Variants in OTOF observed in about 807,000 individuals in gnomAD.
OTOF encodes the protein fer-1-like family member 2.
A neutral mutation model predicts 236.8 loss-of-function variants in OTOF; 218 were observed. The ratio of observed to expected loss-of-function variants is 0.92; its 90% CI spans 0.82 to 1.03. The LOEUF is 1.03. Ranked by LOEUF, OTOF falls within the 50% of genes least tolerant of loss-of-function variation. OTOF has a pLI of 0.00. For synonymous variants in OTOF, 1,041 were observed against 1,072.5 expected (o/e 0.97, Z 0.57); for missense variants, 2,590 against 2,694.4 (o/e 0.96, Z 0.86).
Position 26,465,976 on chromosome 2 carries a change from G to A in OTOF, c.4601C>T (p.Ser1534Phe). The change falls in exon 37 of 47, where the codon TCC becomes TTC. Residue 1534 changes from serine (S) to phenylalanine (F), a missense_variant. Ser to Phe is a radical substitution (Grantham distance 155). Transcript: ENST00000272371. ...CCCAAAGACAGGGTTGAGCTGCTTG[G>A]AGATGTAGTTCTCCTTGTCGCGGAT... ...TDIRDKENYI[S>F]KQLNPVFGKS... The A allele has an allele frequency of 6.2e-7, 1 of 1,614,262 alleles. No homozygotes were observed. The highest frequency in any genetic ancestry group is 8.5e-7 in the Non-Finnish European group (1 of 1,180,044).
rs71915319 is a variant in OTOF, at chr2:26,489,145, GGCCCCGTGCACCAC to G, written c.1045+52_1045+65del. The G allele has an allele frequency of 6.2e-3, 7,129 of 1,158,584 alleles. 286 individuals are homozygous for G. The African/African-American group carries it at 0.092, about 15-fold the overall frequency. 71.8% of individuals were successfully genotyped at this position (1,158,584 alleles called of 1,614,324 possible). On this transcript the variant is annotated intron_variant, in intron 11 of 46. Coordinates refer to ENST00000272371, the MANE Select transcript of OTOF (RefSeq NM_194248.3). ...TCCCAGGAACTGCCACAGTGGGAAG[GGCCCCGTGCACCAC>G]GCTCCCTGAGCCATGCACACCTCGA...
At chr2:26,552,348 C>T (rs1667482705) in intron 1 of OTOF, among the ~76,000 whole-genome samples, 1 of 152,250 alleles carries the variant, frequency 6.6e-6, no homozygotes, top group East Asian at 1.9e-4. Flanking sequence ...TATGATTGTG[C>T]CACTGCACTC....
At chr2:26,463,658 C>T in intron 40 of OTOF, 87 bp from the exon 41 acceptor site, 1 of 1,123,004 alleles carries the variant, frequency 8.9e-7, no homozygotes, top group Non-Finnish European at 1.3e-6. Flanking sequence ...AACCTTTGTT[C>T]TGTCAAGGAC....
At chr2:26,532,876 G>A (rs1344742591) in intron 2 of OTOF, among the ~76,000 whole-genome samples, 1 of 152,140 alleles carries the variant, frequency 6.6e-6, no homozygotes, top group Non-Finnish European at 1.5e-5. Context: ...CCGCTGAGTG[G>A]GCCTGGAACC....
chr2:26,529,838 C>G (rs1666899182), intron 2 of OTOF, among the ~76,000 whole-genome samples: 1 of 110,862 alleles, frequency 9.0e-6, no homozygotes, highest in African/African-American at 2.7e-5. Flanking sequence ...CTAGGGAGGG[C>G]TTCAGAGGCG....
chr2:26,509,106 G>A (rs556400318), intron 5 of OTOF, among the ~76,000 whole-genome samples: 1 of 152,172 alleles, frequency 6.6e-6, no homozygotes, highest in African/African-American at 2.4e-5. Flanking sequence ...GTCCCTGTGG[G>A]TCTGGCCTGG....
In OTOF at chr2:26,489,703, A is replaced by G. The variant is rs1339944043; in HGVS notation, c.935T>C (p.Met312Thr). 1.2e-6 allele frequency: 2 copies of G among 1,613,066 alleles called. No individual in the cohort carries two copies. The highest frequency in any genetic ancestry group is 2.2e-5 in the South Asian group (2 of 91,084). The change falls in exon 10 of 47, where the codon ATG becomes ACG. Residue 312 changes from methionine (M) to threonine (T), a missense_variant. Met to Thr is a moderately conservative substitution (Grantham distance 81). Around this residue, in one of 2 missense-constraint regions of OTOF, gnomAD observed 1,379 missense variants for 1,341.6 expected, o/e 1.03. Coordinates refer to ENST00000272371, the MANE Select transcript of OTOF (RefSeq NM_194248.3). The part of the protein sequence containing the change: ...VFDFHVSPDV[M>T]FDKIIKISVI... ...CGAAATCTTGATGATCTTGTCAAACATGACATCCGGAGAGACATGGAAGTC... is the reference window on the plus strand; with the variant it reads ...CGAAATCTTGATGATCTTGTCAAACGTGACATCCGGAGAGACATGGAAGTC...
Position 26,477,864 on chromosome 2 carries a change from G to A in OTOF, c.2215-115C>T, listed in dbSNP as rs1358173944. The A allele has an allele frequency of 7.1e-6, 11 of 1,554,906 alleles. No individual in the cohort carries two copies. The highest frequency in any genetic ancestry group is 4.1e-5 in the African/African-American group (3 of 73,228). On this transcript the variant is annotated intron_variant, in intron 18 of 46. Coordinates refer to ENST00000272371, the MANE Select transcript of OTOF (RefSeq NM_194248.3). The surrounding 1 kb of genome is among the most constrained non-coding windows in gnomAD (Gnocchi z 4.7). Reference sequence around the variant, plus strand: ...GGGACCTCATGATCTGGGAGCTCTCGCTAGGGCCATCCTGAGTATCGGTCA... The same window carrying A: ...GGGACCTCATGATCTGGGAGCTCTCACTAGGGCCATCCTGAGTATCGGTCA...
At chr2:26,525,173 G>A (rs1236466661) in intron 3 of OTOF, among the ~76,000 whole-genome samples, 1 of 152,224 alleles carries the variant, frequency 6.6e-6, no homozygotes, top group African/African-American at 2.4e-5. Flanking sequence ...TGCCATGAGA[G>A]GCAAAGGGAA....
intron 5 of OTOF, among the ~76,000 whole-genome samples, chr2:26,514,122 C>G (rs544161483): frequency 7.0e-4 from 106 of 152,274 alleles, no homozygotes; most frequent in Non-Finnish European, 1.3e-3. Context: ...CTGCTGGCTG[C>G]ATGGCTAGGC....
At chr2:26,467,032 T>TG (rs1429632488) in intron 35 of OTOF, 67 bp downstream of exon 35, 1 of 1,329,748 alleles carries the variant, frequency 7.5e-7, no homozygotes, top group African/African-American at 1.9e-5. Context: ...GGGAGGTGAG[T>TG]GGGGGAACCT....
rs761780881 is a variant in OTOF at position 26,464,111 on chromosome 2, G to A, written c.4961-5C>T. On this transcript the variant is annotated splice_polypyrimidine_tract_variant and splice_region_variant and intron_variant, in intron 39 of 46. Coordinates refer to ENST00000272371, the MANE Select transcript of OTOF (RefSeq NM_194248.3). ...CGTCTGTGGGCTTCCTCTGACCTGTGGGTGCCGGCGGCTCAGCTGCACACA... is the reference window on the plus strand; with the variant it reads ...CGTCTGTGGGCTTCCTCTGACCTGTAGGTGCCGGCGGCTCAGCTGCACACA... The A allele has an allele frequency of 1.2e-6, 2 of 1,613,274 alleles. No individual in the cohort carries two copies. Among genetic ancestry groups the A allele is most frequent in the African/African-American group, 2.7e-5 (2 of 75,040 alleles).
chr2:26,531,411 T>C (rs1666945526), intron 2 of OTOF, among the ~76,000 whole-genome samples: 1 of 152,128 alleles, frequency 6.6e-6, no homozygotes, highest in Non-Finnish European at 1.5e-5. Context: ...AATATCTACC[T>C]TAGAGGGCTA....
chr2:26,484,328 C>T (rs1665647379), intron 12 of OTOF, 146 bp downstream of exon 12: 9 of 843,206 alleles, frequency 1.1e-5, no homozygotes, highest in South Asian at 4.3e-5. Flanking sequence ...TGCCCTGCCT[C>T]GGAAGAGTGG....
intron 4 of OTOF, 45 bp downstream of exon 4, chr2:26,518,965 T>G (rs1666604447): frequency 2.2e-6 from 3 of 1,338,342 alleles, no homozygotes; most frequent in African/African-American, 2.8e-5. Context: ...GACCCCCAGA[T>G]GGCCCCATAT....
intron 11 of OTOF, among the ~76,000 whole-genome samples, chr2:26,488,927 G>A (rs972160280): frequency 6.6e-6 from 1 of 152,250 alleles, no homozygotes; most frequent in African/African-American, 2.4e-5. Context: ...AGCCTGCCAT[G>A]CACTCCAGAG....
Position 26,482,447 on chromosome 2 carries a change from T to C in OTOF, c.1538A>G (p.His513Arg). The change falls in exon 14 of 47, where the codon CAC (histidine) becomes CGC (arginine). Residue 513 changes from histidine to arginine, a missense_variant. Physicochemically the swap from His to Arg is conservative, Grantham distance 29 (BLOSUM62 0). Around this residue, in one of 2 missense-constraint regions of OTOF, gnomAD observed 1,379 missense variants for 1,341.6 expected, o/e 1.03. Transcript: ENST00000272371. ...AGAAATCTTGCGCAGGTCAATGAAG[T>C]GGGTGCCGATGGCCACGTCGTTGAC... ...DKVNDVAIGT[H>R]FIDLRKISND... 1 of 1,613,342 alleles carries C rather than the reference T, an allele frequency of 6.2e-7. No individual in the cohort carries two copies. The highest frequency in any genetic ancestry group is 1.1e-5 in the South Asian group (1 of 91,092).
Position 26,479,639 on chromosome 2 carries a change from C to A in OTOF, c.1927G>T (p.Glu643Ter), listed in dbSNP as rs200864338. ...TGGGGCCGGGACAGGCCATCAACTT[C>A]GTTCCCATAGTTGCCTGGAGCAGAA... is the stretch of plus-strand genomic sequence containing the variant. ...FEVTIGNYGNEVDGLSRPQRP... is the reference protein window; with the variant it reads ...FEVTIGNYGN The change falls in exon 17 of 47, where the codon GAA becomes TAA. Residue 643 changes from glutamate to a stop codon, truncating the protein, a stop_gained. Transcript: ENST00000272371. LOFTEE classifies it high-confidence loss of function. 9 of 1,612,446 alleles carry A rather than the reference C, an allele frequency of 5.6e-6. No individual in the cohort carries two copies. Among genetic ancestry groups the A allele is most frequent in the Non-Finnish European group, 4.2e-6 (5 of 1,179,750 alleles).
At chr2:26,512,562 A>C (rs993206507) in intron 5 of OTOF, among the ~76,000 whole-genome samples, 3 of 152,170 alleles carry the variant, frequency 2.0e-5, no homozygotes, top group Non-Finnish European at 4.4e-5. Context: ...TTAGGGATTC[A>C]TTACATCTCT....
Sources: gnomAD v4.1 joint callset for allele counts (sites outside exome capture counted in the v4.1 genomes callset) on GRCh38, gnomAD v4.1.1 for gene constraint, gnomAD v4.1.1 regional missense constraint, Gnocchi (gnomAD v3.1) non-coding constraint, MANE v1.5 for transcripts, NCBI Gene and HGNC (gene_info 2026-07-23, HGNC 2026-07-21) for gene names.